The following PARD3B variants were observed in gnomAD, a reference collection of about 807,000 sequenced individuals.
The protein encoded by PARD3B is partitioning defective 3 homolog B.
PARD3B carries 103 observed loss-of-function variants against 130.2 expected under a neutral mutation model. The ratio of observed to expected loss-of-function variants is 0.79; its 90% CI spans 0.67 to 0.93. The LOEUF (loss-of-function observed/expected upper bound fraction) is 0.93. Among genes scored for constraint, PARD3B ranks in the 40% least tolerant of loss-of-function variants. The probability of loss-of-function intolerance (pLI) is 0.00; values close to 1 mark genes in which losing one functional copy is unlikely to be tolerated. For missense variants in PARD3B, 1,609 were observed against 1,499.2 expected (o/e 1.07, Z -1.21); for synonymous variants, 583 against 553.2 (o/e 1.05, Z -0.76).
chr2:205,124,404 A>G lies in PARD3B; in HGVS notation c.1243A>G (p.Ile415Val), dbSNP rs892141097. 11 of 1,607,698 alleles carry G rather than the reference A, an allele frequency of 6.8e-6. No homozygotes were observed. In the East Asian group the frequency reaches 1.6e-4, roughly 23 times the overall value. Residue 415 changes from isoleucine (I) to valine (V), a missense_variant, in exon 9 of 23, where the codon ATT (isoleucine) becomes GTT (valine). Transcript: ENST00000406610. ...TCCCGGTCCCATTTTTGTAAAAAAC[A>G]TTTTACCAAAGGGAGCAGCAATAAA... The part of the protein sequence containing the change: ...HGPGPIFVKN[I>V]LPKGAAIKDG...
chr2:205,522,028 A>T (rs1413616445), intron 21 of PARD3B, among the ~76,000 whole-genome samples: 1 of 151,846 alleles, frequency 6.6e-6, no homozygotes, highest in Non-Finnish European at 1.5e-5. Context: ...AATTTTGGAA[A>T]TCTGCCTTTT....
chr2:205,314,641 G>A (rs1574674530), intron 18 of PARD3B, among the ~76,000 whole-genome samples: 1 of 152,290 alleles, frequency 6.6e-6, no homozygotes, highest in East Asian at 1.9e-4. Context: ...AAAATAGATA[G>A]GAGATATACA....
chr2:205,493,644 C>T (rs1016244916), intron 20 of PARD3B, among the ~76,000 whole-genome samples: 2 of 151,968 alleles, frequency 1.3e-5, no homozygotes, highest in East Asian at 1.9e-4. Context: ...TCAGAGAGTT[C>T]GTAAGGATTA....
intron 20 of PARD3B, among the ~76,000 whole-genome samples, chr2:205,445,929 G>A (rs7571625): frequency 0.1 from 15,219 of 152,200 alleles, 1,089 homozygotes; most frequent in African/African-American, 0.2. Flanking sequence ...GTTCAGTACT[G>A]GACTCACCAG....
At chr2:205,079,409 A>AAAC (rs1701270071) in intron 4 of PARD3B, among the ~76,000 whole-genome samples, 3 of 152,168 alleles carry the variant, frequency 2.0e-5, no homozygotes, top group African/African-American at 4.8e-5. Flanking sequence ...GGTGTCTGGT[A>AAAC]AGGGATTCTC....
At chr2:204,950,606 C>A (rs1031811560) in intron 2 of PARD3B, among the ~76,000 whole-genome samples, 12 of 152,192 alleles carry the variant, frequency 7.9e-5, no homozygotes, top group African/African-American at 2.9e-4. Flanking sequence ...TGGAAAGAAA[C>A]TGAGATGTTA....
intron 2 of PARD3B, among the ~76,000 whole-genome samples, chr2:204,929,574 A>G (rs2125773059): frequency 6.6e-6 from 1 of 152,188 alleles, no homozygotes; most frequent in African/African-American, 2.4e-5. Context: ...AGCAACTGTA[A>G]GGCTGGGCAG....
intron 3 of PARD3B, among the ~76,000 whole-genome samples, chr2:204,976,477 A>G (rs546195610): frequency 3.5e-4 from 53 of 152,176 alleles, no homozygotes; most frequent in Non-Finnish European, 6.5e-4. Flanking sequence ...TGTAAAACAC[A>G]GAGAATACTG....
At chr2:205,004,733 A>C (rs990187967) in intron 3 of PARD3B, among the ~76,000 whole-genome samples, 2 of 152,228 alleles carry the variant, frequency 1.3e-5, no homozygotes, top group African/African-American at 4.8e-5. Context: ...TATCACTTCA[A>C]ATATGTGAGG....
chr2:205,264,538 A>G (rs1349075186), intron 16 of PARD3B, among the ~76,000 whole-genome samples: 1 of 151,090 alleles, frequency 6.6e-6, no homozygotes, highest in East Asian at 1.9e-4. Context: ...GAAAAATGAG[A>G]TCTTTGTTCA....
chr2:204,582,510 C>CA (rs1171119266), intron 1 of PARD3B, among the ~76,000 whole-genome samples: 2 of 151,916 alleles, frequency 1.3e-5, no homozygotes, highest in Admixed American at 1.3e-4. Context: ...GGTTCCCCCC[C>CA]CTCATTTCAC....
chr2:205,221,104 T>G (rs551216715), intron 15 of PARD3B, among the ~76,000 whole-genome samples: 61 of 152,308 alleles, frequency 4.0e-4, no homozygotes, highest in African/African-American at 1.4e-3. Context: ...AGTAGCTTTG[T>G]TGTGGAAAAT....
chr2:205,317,683 A>G (rs760703425), intron 18 of PARD3B, among the ~76,000 whole-genome samples: 8 of 152,180 alleles, frequency 5.3e-5, no homozygotes, highest in Non-Finnish European at 1.2e-4. Flanking sequence ...ATGCCAGTGT[A>G]TATAGTCATA....
intron 22 of PARD3B, among the ~76,000 whole-genome samples, chr2:205,597,177 CCTCA>C (rs1263270814): frequency 1.4e-4 from 22 of 151,942 alleles, no homozygotes; most frequent in Non-Finnish European, 3.1e-4. Context: ...GTTTTTCAGC[CCTCA>C]CTCTCTACTC....
intron 1 of PARD3B, among the ~76,000 whole-genome samples, chr2:204,547,491 A>G (rs2030076096): frequency 6.6e-6 from 1 of 152,206 alleles, no homozygotes. Context: ...GTGCACGTGC[A>G]TATGTGTTTG....
At chr2:204,772,756 A>C (rs2041443173) in intron 2 of PARD3B, among the ~76,000 whole-genome samples, 1 of 152,184 alleles carries the variant, frequency 6.6e-6, no homozygotes, top group Non-Finnish European at 1.5e-5. Flanking sequence ...ATGACTTCCC[A>C]TTGAAATGCA....
At chr2:204,880,657 C>CAAAAAAAAA in intron 2 of PARD3B, among the ~76,000 whole-genome samples, 1 of 55,442 alleles carries the variant, frequency 1.8e-5, no homozygotes, top group Non-Finnish European at 4.0e-5. Flanking sequence ...GACTCCATCT[C>CAAAAAAAAA]AAAAAAAAAA....
At chr2:204,889,947 C>A (rs527837260) in intron 2 of PARD3B, among the ~76,000 whole-genome samples, 19 of 152,274 alleles carry the variant, frequency 1.2e-4, no homozygotes, top group African/African-American at 4.1e-4. Context: ...AATCAGTTAC[C>A]CAGAATTGCT....
chr2:204,606,493 T>C lies in PARD3B; in HGVS notation c.120+60374T>C, dbSNP rs2033730181. On this transcript the variant is annotated intron_variant, in intron 1 of 22. Coordinates refer to ENST00000406610, the MANE Select transcript of PARD3B (RefSeq NM_001302769.2). The surrounding 1 kb of genome is among the most constrained non-coding windows in gnomAD (Gnocchi z 4.0). ...CATAGAAAAGAGAAGTAGAAATAAA[T>C]GCACTGACTTTTAAAGCTTCTGCAC... 6.6e-6 allele frequency among the ~76,000 whole-genome samples: 1 copy of C among 152,120 alleles called. No individual in the cohort carries two copies. The highest frequency in any genetic ancestry group is 6.6e-5 in the Admixed American group (1 of 15,248).
Sources: gnomAD v4.1 joint callset for allele counts (sites outside exome capture counted in the v4.1 genomes callset) on GRCh38, gnomAD v4.1.1 for gene constraint, Gnocchi (gnomAD v3.1) non-coding constraint, MANE v1.5 for transcripts, NCBI Gene and HGNC (gene_info 2026-07-23, HGNC 2026-07-21) for gene names.